The following ELOVL6 variants were observed in gnomAD, a reference collection of about 807,000 sequenced individuals.
ELOVL6 encodes the protein very long chain fatty acid elongase 6.
Under a neutral mutation model 31.7 loss-of-function variants are expected in ELOVL6, and 8 were observed. The ratio of observed to expected loss-of-function variants is 0.25; its 90% CI spans 0.15 to 0.45. ELOVL6 has a LOEUF of 0.45. ELOVL6 is among the 20% of genes least tolerant of loss of function. The probability of loss-of-function intolerance (pLI) is 1.00; values close to 1 mark genes in which losing one functional copy is unlikely to be tolerated. For missense variants in ELOVL6, 126 were observed against 326.4 expected (o/e 0.39, Z 4.73); for synonymous variants, 101 against 117.7 (o/e 0.86, Z 0.92).
chr4:110,198,373 CAAAAT>C lies in ELOVL6; in HGVS notation c.-43_-39del, dbSNP rs770087209. On this transcript the variant is annotated 5_prime_UTR_variant, in exon 1 of 4. Transcript: ENST00000302274. ...TCGGAGTCGCTACGTGTTCTCTATA[CAAAAT>C]AAAATAATCTGTAAAGCGCTTGATT... 6 of 1,255,280 alleles carry C rather than the reference CAAAAT, an allele frequency of 4.8e-6. 1 individual carries two copies. The highest frequency in any genetic ancestry group is 6.9e-6 in the Non-Finnish European group (6 of 863,444). 77.8% of individuals were successfully genotyped at this position (1,255,280 alleles called of 1,614,324 possible). A position where few individuals can be genotyped will look rare whatever the true frequency, so the allele number is the denominator to read the frequency against.
At chr4:110,170,431 C>T (rs1042285375) in intron 1 of ELOVL6, among the ~76,000 whole-genome samples, 1 of 152,208 alleles carries the variant, frequency 6.6e-6, no homozygotes, top group Admixed American at 6.5e-5. Flanking sequence ...CAAATCAATA[C>T]TCATAGTACT....
At chr4:110,194,939 T>C (rs1045301631) in intron 1 of ELOVL6, among the ~76,000 whole-genome samples, 1 of 152,172 alleles carries the variant, frequency 6.6e-6, no homozygotes, top group Non-Finnish European at 1.5e-5. Flanking sequence ...AGGACAACCA[T>C]AAATTCCCAA....
At position 110,049,885 on chromosome 4, in the gene ELOVL6, A is replaced by G. The variant is rs575649242; in HGVS notation, c.*1453T>C. 2.0e-5 allele frequency: 3 copies of G among 149,062 alleles called. No individual in the cohort carries two copies. The highest frequency in any genetic ancestry group is 7.6e-5 in the African/African-American group (3 of 39,660). 9.2% of individuals were successfully genotyped at this position (149,062 alleles called of 1,614,324 possible). On this transcript the variant is annotated 3_prime_UTR_variant, in exon 4 of 4. Transcript: ENST00000302274. ...TGAAATATTACAGAGAATATTATCCAGCTTTTTTTTTTTAAAGAATATGGC... is the reference window on the plus strand; with the variant it reads ...TGAAATATTACAGAGAATATTATCCGGCTTTTTTTTTTTAAAGAATATGGC...
At chr4:110,197,969 A>C in intron 1 of ELOVL6, 1 of 500,278 alleles carries the variant, frequency 2.0e-6, no homozygotes, top group Non-Finnish European at 3.6e-6. Context: ...TCGCGCAGAC[A>C]TCACCCTGTG....
At chr4:110,144,895 A>G (rs948120353) in intron 1 of ELOVL6, among the ~76,000 whole-genome samples, 7 of 152,016 alleles carry the variant, frequency 4.6e-5, no homozygotes, top group Non-Finnish European at 1.0e-4. Context: ...GAATCCATCC[A>G]CTGTTGAAAC....
At chr4:110,133,592 A>G (rs2126258377) in intron 1 of ELOVL6, among the ~76,000 whole-genome samples, 1 of 152,266 alleles carries the variant, frequency 6.6e-6, no homozygotes, top group East Asian at 1.9e-4. Context: ...ACAGGGAAAA[A>G]GGGAAGAAAA....
intron 2 of ELOVL6, among the ~76,000 whole-genome samples, chr4:110,084,126 T>C (rs1560814118): frequency 6.4e-4 from 40 of 62,946 alleles, no homozygotes; most frequent in Admixed American, 1.2e-3. Context: ...ATATAACATA[T>C]ATGTGATAAT....
chr4:110,198,756 T>A (rs1759901919), upstream of ELOVL6: 1 of 167,658 alleles, frequency 6.0e-6, no homozygotes, highest in African/African-American at 2.4e-5. Context: ...CAGTTTTGTT[T>A]ACAGCGAAGG....
intron 3 of ELOVL6, among the ~76,000 whole-genome samples, chr4:110,057,622 G>A (rs1399423018): frequency 5.9e-5 from 9 of 151,858 alleles, no homozygotes; most frequent in Admixed American, 5.3e-4. Context: ...AGGCCGAGGC[G>A]GGCTGATTAC....
chr4:110,198,161 G>A (rs1759875699), intron 1 of ELOVL6, 86 bp downstream of exon 1: 7 of 769,716 alleles, frequency 9.1e-6, no homozygotes, highest in Non-Finnish European at 1.6e-5. Flanking sequence ...CTCCATTCAC[G>A]CCCAGGCAGG....
At chr4:110,125,093 A>G (rs1487217827) in intron 1 of ELOVL6, among the ~76,000 whole-genome samples, 4 of 152,222 alleles carry the variant, frequency 2.6e-5, no homozygotes, top group Non-Finnish European at 5.9e-5. Context: ...TATTACTTTT[A>G]AACTAAAATA....
chr4:110,165,030 G>A (rs1215536201), intron 1 of ELOVL6, among the ~76,000 whole-genome samples: 1 of 152,026 alleles, frequency 6.6e-6, no homozygotes, highest in Admixed American at 6.5e-5. Flanking sequence ...AATGTAATGT[G>A]GTATGTGGCC....
chr4:110,192,215 G>GA (rs1366923111), intron 1 of ELOVL6, among the ~76,000 whole-genome samples: 3 of 149,526 alleles, frequency 2.0e-5, no homozygotes, highest in Non-Finnish European at 3.0e-5. Context: ...AAGAAAGAAA[G>GA]AAAAAAAAGA....
At chr4:110,084,987 A>T (rs1400734666) in intron 2 of ELOVL6, among the ~76,000 whole-genome samples, 1 of 152,096 alleles carries the variant, frequency 6.6e-6, no homozygotes, top group African/African-American at 2.4e-5. Context: ...ATGAGAAGGA[A>T]AGAAATTGAT....
intron 2 of ELOVL6, among the ~76,000 whole-genome samples, chr4:110,072,962 C>T (rs1560806911): frequency 1.3e-5 from 2 of 152,114 alleles, no homozygotes; most frequent in African/African-American, 2.4e-5. Flanking sequence ...GAGAATCATA[C>T]ACAGATAAGC....
intron 1 of ELOVL6, among the ~76,000 whole-genome samples, chr4:110,135,115 C>T: frequency 6.6e-6 from 1 of 152,146 alleles, no homozygotes; most frequent in East Asian, 1.9e-4. Context: ...GGATGTATAA[C>T]TGGTTGACGA....
chr4:110,098,600 C>A (rs1756657466), intron 2 of ELOVL6, among the ~76,000 whole-genome samples: 1 of 152,020 alleles, frequency 6.6e-6, no homozygotes, highest in African/African-American at 2.4e-5. Flanking sequence ...TAATTACTAT[C>A]CTGAGGTTTT....
chr4:110,137,648 AT>A (rs968560516), intron 1 of ELOVL6, among the ~76,000 whole-genome samples: 1 of 152,276 alleles, frequency 6.6e-6, no homozygotes, highest in Admixed American at 6.5e-5. Flanking sequence ...TAGAATGTGG[AT>A]TTTTTTAAGC....
chr4:110,053,221 C>T (rs376210940), intron 3 of ELOVL6, among the ~76,000 whole-genome samples: 5 of 152,260 alleles, frequency 3.3e-5, no homozygotes, highest in Non-Finnish European at 5.9e-5. Flanking sequence ...AGAACCCGGC[C>T]CTGGTTCTTC....
Sources: gnomAD v4.1 joint callset for allele counts (sites outside exome capture counted in the v4.1 genomes callset) on GRCh38, gnomAD v4.1.1 for gene constraint, MANE v1.5 for transcripts, NCBI Gene and HGNC (gene_info 2026-07-23, HGNC 2026-07-21) for gene names.